Variants in HFM1 observed in about 807,000 individuals in gnomAD.
HFM1 encodes the protein helicase for meiosis 1, also known as probable ATP-dependent DNA helicase HFM1.
In HFM1, 169 loss-of-function variants were observed where a neutral mutation model predicts 192.1. The ratio of observed to expected loss-of-function variants is 0.88; its 90% CI spans 0.78 to 1.00. The LOEUF (loss-of-function observed/expected upper bound fraction) is 1.00. Among genes scored for constraint, HFM1 ranks in the 50% least tolerant of loss-of-function variants. HFM1 has a pLI of 0.00. For missense variants in HFM1, 1,661 were observed against 1,668.0 expected (o/e 1.00, Z 0.07); for synonymous variants, 525 against 537.8 (o/e 0.98, Z 0.33).
intron 20 of HFM1, among the ~76,000 whole-genome samples, chr1:91,325,105 G>T (rs532708447): frequency 6.6e-6 from 1 of 151,708 alleles, no homozygotes; most frequent in Non-Finnish European, 1.5e-5. Context: ...TGGGCCAGAG[G>T]GGGAGCCTAC....
chr1:91,347,148 A>G (rs570413478), intron 19 of HFM1, among the ~76,000 whole-genome samples: 25 of 152,314 alleles, frequency 1.6e-4, no homozygotes, highest in Admixed American at 1.1e-3. Flanking sequence ...ATCTGTAGGC[A>G]TATTTTCAAA....
At chr1:91,358,940 T>C (rs1341060859) in intron 13 of HFM1, among the ~76,000 whole-genome samples, 1 of 152,210 alleles carries the variant, frequency 6.6e-6, no homozygotes, top group Non-Finnish European at 1.5e-5. Context: ...TTCACAGTCT[T>C]CACTGGTGAT....
intron 20 of HFM1, among the ~76,000 whole-genome samples, chr1:91,336,223 T>TCTCC (rs936388803): frequency 3.4e-5 from 5 of 149,068 alleles, no homozygotes; most frequent in South Asian, 2.1e-4. Context: ...TCTATCTCTC[T>TCTCC]CTCCCTCCCT....
chr1:91,314,034 C>A lies in HFM1; in HGVS notation c.3167G>T (p.Ser1056Ile), dbSNP rs778809806. 1.2e-6 allele frequency: 2 copies of A among 1,609,126 alleles called. No homozygotes were observed. Among genetic ancestry groups the A allele is most frequent in the Non-Finnish European group, 1.7e-6 (2 of 1,176,628 alleles). Reference sequence around the variant, plus strand: ...TTTCACAGCAATCTTTTTAGCCCAACTTCCAGCTTTTAGCAAAACAGAATC... The same window carrying A: ...TTTCACAGCAATCTTTTTAGCCCAAATTCCAGCTTTTAGCAAAACAGAATC... ...ITDSVLLKAGSWAKKIAVKRA... is the reference protein window; with the variant it reads ...ITDSVLLKAGIWAKKIAVKRA... Residue 1056 changes from serine to isoleucine, a missense_variant, in exon 29 of 39, where the codon AGT (serine) becomes ATT (isoleucine). Coordinates refer to ENST00000370425, the MANE Select transcript of HFM1 (RefSeq NM_001017975.6).
chr1:91,298,223 A>G (rs1027088347), intron 30 of HFM1, among the ~76,000 whole-genome samples: 1 of 152,182 alleles, frequency 6.6e-6, no homozygotes, highest in Admixed American at 6.5e-5. Context: ...TGAAGCGAGA[A>G]GAGAAGTTTA....
intron 34 of HFM1, among the ~76,000 whole-genome samples, chr1:91,269,501 C>A (rs1332484288): frequency 2.0e-5 from 3 of 152,148 alleles, no homozygotes; most frequent in African/African-American, 7.2e-5. Context: ...AATTTCTTCA[C>A]CTGTCCAAAC....
chr1:91,265,208 T>C (rs1256966054), intron 36 of HFM1, among the ~76,000 whole-genome samples: 1 of 152,184 alleles, frequency 6.6e-6, no homozygotes, highest in East Asian at 1.9e-4. Context: ...CTGCCTACCA[T>C]ACAGGTAAAA....
At chr1:91,392,396 TC>T (rs1283909887) in intron 4 of HFM1, among the ~76,000 whole-genome samples, 2 of 152,100 alleles carry the variant, frequency 1.3e-5, no homozygotes, top group East Asian at 3.9e-4. Context: ...CACATATACA[TC>T]ATGGAATACT....
chr1:91,335,117 A>G (rs1654398539), intron 20 of HFM1, among the ~76,000 whole-genome samples: 1 of 152,162 alleles, frequency 6.6e-6, no homozygotes, highest in African/African-American at 2.4e-5. Flanking sequence ...TGGCATTCCA[A>G]CAGAGTTACA....
chr1:91,353,680 A>C (rs1657302518), intron 13 of HFM1, among the ~76,000 whole-genome samples: 1 of 150,860 alleles, frequency 6.6e-6, no homozygotes, highest in Non-Finnish European at 1.5e-5. Flanking sequence ...AAACATGGAA[A>C]TAAACCATAG....
rs1261073914 is a variant in HFM1 at position 91,276,620 on chromosome 1, A to C, written c.3588+8T>G. The C allele has an allele frequency of 2.2e-6, 3 of 1,365,350 alleles. No homozygotes were observed. In the African/African-American group the frequency reaches 4.4e-5, roughly 20 times the overall value. The allele number at this position is 1,365,350 out of a possible 1,614,324, so 84.6% of individuals were successfully genotyped here. A position where few individuals can be genotyped will look rare whatever the true frequency, so the allele number is the denominator to read the frequency against. ...CAGAACAATGGGAAAAATGTTATTA[A>C]AACTAACCTTCAGACGTTTAACTGG... On this transcript the variant is annotated splice_region_variant and intron_variant, in intron 32 of 38. Coordinates refer to ENST00000370425, the MANE Select transcript of HFM1 (RefSeq NM_001017975.6).
chr1:91,399,333 G>A (rs1440765559), intron 2 of HFM1, among the ~76,000 whole-genome samples: 4 of 151,614 alleles, frequency 2.6e-5, no homozygotes, highest in Non-Finnish European at 5.9e-5. Flanking sequence ...GGATAGCTTT[G>A]ACAGATAGAT....
chr1:91,363,701 A>T (rs771117307), intron 13 of HFM1, among the ~76,000 whole-genome samples: 28 of 152,184 alleles, frequency 1.8e-4, no homozygotes, highest in Non-Finnish European at 3.5e-4. Flanking sequence ...ACCCAAAGGA[A>T]TATAAATTAT....
At chr1:91,347,999 C>T (rs908682923) in intron 18 of HFM1, among the ~76,000 whole-genome samples, 4 of 152,064 alleles carry the variant, frequency 2.6e-5, no homozygotes, top group Non-Finnish European at 1.5e-5. Flanking sequence ...ATAGATAAAG[C>T]TAGCCTATGG....
intron 23 of HFM1, among the ~76,000 whole-genome samples, chr1:91,321,717 G>A (rs755546123): frequency 3.3e-5 from 5 of 151,922 alleles, no homozygotes; most frequent in African/African-American, 2.4e-5. Context: ...GCACAAAGGC[G>A]GGAAATGATA....
At chr1:91,363,461 T>C (rs1056942142) in intron 13 of HFM1, among the ~76,000 whole-genome samples, 1 of 149,790 alleles carries the variant, frequency 6.7e-6, no homozygotes, top group Non-Finnish European at 1.5e-5. Flanking sequence ...ATTAGAGAAA[T>C]GTAAATCAAA....
intron 20 of HFM1, among the ~76,000 whole-genome samples, chr1:91,327,736 C>T (rs1203846472): frequency 2.0e-5 from 3 of 152,164 alleles, no homozygotes; most frequent in African/African-American, 7.2e-5. Context: ...GGTCACAAAA[C>T]AGGTCTTAAA....
At chr1:91,291,631 G>C (rs1045614027) in intron 30 of HFM1, among the ~76,000 whole-genome samples, 1 of 152,102 alleles carries the variant, frequency 6.6e-6, no homozygotes, top group African/African-American at 2.4e-5. Flanking sequence ...GTACAAGTAG[G>C]AACTGGTACC....
At chr1:91,384,895 C>A (rs931533531) in intron 6 of HFM1, among the ~76,000 whole-genome samples, 2 of 151,990 alleles carry the variant, frequency 1.3e-5, no homozygotes, top group African/African-American at 4.8e-5. Context: ...AGGTGCACAC[C>A]ACCAGGCCCA....
Sources: gnomAD v4.1 joint callset for allele counts (sites outside exome capture counted in the v4.1 genomes callset) on GRCh38, gnomAD v4.1.1 for gene constraint, MANE v1.5 for transcripts, NCBI Gene and HGNC (gene_info 2026-07-23, HGNC 2026-07-21) for gene names.